Variants in VAV3 observed in about 807,000 individuals in gnomAD.
VAV3 encodes the protein guanine nucleotide exchange factor VAV3.
A neutral mutation model predicts 131.2 loss-of-function variants in VAV3; 94 were observed. The observed-to-expected ratio is 0.72, with a 90% CI of 0.61 to 0.85. The LOEUF is 0.85. Ranked by LOEUF, VAV3 falls within the 40% of genes least tolerant of loss-of-function variation. VAV3 has a pLI of 0.00. For missense variants in VAV3, 939 were observed against 1,002.7 expected (o/e 0.94, Z 0.86); for synonymous variants, 349 against 342.0 (o/e 1.02, Z -0.22).
At chr1:107,861,990 G>A (rs772219981) in intron 2 of VAV3, among the ~76,000 whole-genome samples, 2 of 151,538 alleles carry the variant, frequency 1.3e-5, no homozygotes, top group African/African-American at 4.8e-5. Flanking sequence ...ACTGCTCTAC[G>A]CACTGGCCTG....
chr1:107,780,712 C>T (rs556593546), intron 2 of VAV3, among the ~76,000 whole-genome samples: 6 of 152,196 alleles, frequency 3.9e-5, no homozygotes, highest in South Asian at 2.1e-4. Flanking sequence ...GATGCAGTTT[C>T]GCTATGTCGG....
At chr1:107,873,436 A>C (rs1420280973) in intron 2 of VAV3, among the ~76,000 whole-genome samples, 1 of 152,100 alleles carries the variant, frequency 6.6e-6, no homozygotes, top group Non-Finnish European at 1.5e-5. Context: ...CATTTCCCCA[A>C]AAGAGAGGGT....
At chr1:107,915,954 A>G (rs1408933328) in intron 1 of VAV3, among the ~76,000 whole-genome samples, 4 of 152,214 alleles carry the variant, frequency 2.6e-5, no homozygotes, top group Non-Finnish European at 5.9e-5. Context: ...TCACAAAAAA[A>G]AAAGGAAGCA....
chr1:107,678,046 A>G (rs181748386), intron 19 of VAV3: 9 of 152,320 alleles, frequency 5.9e-5, no homozygotes, highest in South Asian at 2.1e-4. Flanking sequence ...AGTCCTGAAA[A>G]TGACTACAAG....
At chr1:107,808,026 A>G (rs528716621) in intron 2 of VAV3, among the ~76,000 whole-genome samples, 10 of 152,304 alleles carry the variant, frequency 6.6e-5, no homozygotes, top group African/African-American at 2.4e-4. Flanking sequence ...CATAAACCTG[A>G]CCAATGATGA....
intron 1 of VAV3, among the ~76,000 whole-genome samples, chr1:107,878,969 A>G (rs1287192217): frequency 1.3e-5 from 2 of 152,146 alleles, no homozygotes; most frequent in Non-Finnish European, 2.9e-5. Flanking sequence ...GTCAAAAAAC[A>G]GAAAAAAAGC....
chr1:107,827,975 G>T (rs1668086295), intron 2 of VAV3, among the ~76,000 whole-genome samples: 1 of 152,150 alleles, frequency 6.6e-6, no homozygotes, highest in African/African-American at 2.4e-5. Context: ...ACCCACAGAT[G>T]ATCTGGGACA....
At chr1:107,892,129 TATGTCATAATGGC>T (rs369670224) in intron 1 of VAV3, among the ~76,000 whole-genome samples, 20 of 152,308 alleles carry the variant, frequency 1.3e-4, no homozygotes, top group African/African-American at 4.6e-4. Context: ...ATGTGATTAA[TATGTCATAATGGC>T]ATGTCATTGT....
chr1:107,833,633 ACT>A (rs1668353594), intron 2 of VAV3, among the ~76,000 whole-genome samples: 1 of 151,976 alleles, frequency 6.6e-6, no homozygotes, highest in Non-Finnish European at 1.5e-5. Context: ...AAAAGTTCAT[ACT>A]CTTTTTCAAG....
At chr1:107,899,792 C>T (rs573645110) in intron 1 of VAV3, among the ~76,000 whole-genome samples, 1 of 152,236 alleles carries the variant, frequency 6.6e-6, no homozygotes, top group South Asian at 2.1e-4. Flanking sequence ...CTAATAATAA[C>T]TGGTGAATTA....
chr1:107,742,808 G>C (rs1442139401), intron 15 of VAV3, among the ~76,000 whole-genome samples: 2 of 152,192 alleles, frequency 1.3e-5, no homozygotes, highest in Non-Finnish European at 2.9e-5. Flanking sequence ...GTTGGATGAA[G>C]AGAAGGCAGT....
At chr1:107,630,846 G>A (rs1204909457) in intron 20 of VAV3, among the ~76,000 whole-genome samples, 1 of 152,100 alleles carries the variant, frequency 6.6e-6, no homozygotes, top group Non-Finnish European at 1.5e-5. Flanking sequence ...GACCCAATAA[G>A]GAGGAAAGGT....
intron 2 of VAV3, among the ~76,000 whole-genome samples, chr1:107,822,189 G>GTTTGTAAAT (rs1667820231): frequency 6.6e-6 from 1 of 152,146 alleles, no homozygotes; most frequent in Non-Finnish European, 1.5e-5. Flanking sequence ...GCATGCTTTG[G>GTTTGTAAAT]TTTGTAAATT....
At chr1:107,880,349 T>G (rs1341239288) in intron 1 of VAV3, among the ~76,000 whole-genome samples, 2 of 152,124 alleles carry the variant, frequency 1.3e-5, no homozygotes, top group African/African-American at 2.4e-5. Context: ...CATGAAAGCA[T>G]GGACCACTTG....
At chr1:107,776,563 T>C (rs955158782) in intron 4 of VAV3, among the ~76,000 whole-genome samples, 6 of 152,170 alleles carry the variant, frequency 3.9e-5, no homozygotes, top group Non-Finnish European at 7.4e-5. Context: ...GTTGGGTGTA[T>C]GAGGAAGGAT....
intron 19 of VAV3, among the ~76,000 whole-genome samples, chr1:107,654,246 A>G (rs1388902101): frequency 6.6e-6 from 1 of 152,056 alleles, no homozygotes. Flanking sequence ...CTTTTCCAAG[A>G]AAGCTGGAAA....
chr1:107,901,018 T>C (rs558937196), intron 1 of VAV3, among the ~76,000 whole-genome samples: 3 of 152,156 alleles, frequency 2.0e-5, no homozygotes, highest in South Asian at 2.1e-4. Flanking sequence ...AATCAAACAA[T>C]TGGCAATAAG....
At chr1:107,579,087 C>T (rs188304184) in intron 25 of VAV3, among the ~76,000 whole-genome samples, 37 of 152,290 alleles carry the variant, frequency 2.4e-4, no homozygotes, top group African/African-American at 8.2e-4. Flanking sequence ...CTAGCCCTCT[C>T]TCTTATCTAA....
At chr1:107,817,161 T>C (rs908722083) in intron 2 of VAV3, among the ~76,000 whole-genome samples, 1 of 152,214 alleles carries the variant, frequency 6.6e-6, no homozygotes, top group Non-Finnish European at 1.5e-5. Context: ...TGACGCATTA[T>C]GATAGTAGGC....
Sources: allele counts gnomAD v4.1 joint callset (sites outside exome capture counted in the v4.1 genomes callset), GRCh38; gene constraint gnomAD v4.1.1; transcripts MANE v1.5; gene names NCBI Gene and HGNC (gene_info 2026-07-23, HGNC 2026-07-21).